MSI2: variants seen among roughly 807,000 people sequenced by gnomAD.
The protein encoded by MSI2 is musashi RNA binding protein 2, also known as RNA-binding protein Musashi homolog 2.
MSI2 carries 17 observed loss-of-function variants against 45.6 expected under a neutral mutation model. The observed-to-expected ratio is 0.37, with a 90% CI of 0.26 to 0.56. The LOEUF (loss-of-function observed/expected upper bound fraction) is 0.56, where lower values mean the gene tolerates loss of function less well. Among genes scored for constraint, MSI2 ranks in the 20% least tolerant of loss-of-function variants. The pLI is 0.77. For synonymous variants in MSI2, 156 were observed against 158.2 expected, an observed-to-expected ratio of 0.99 and a Z score of 0.11; for missense variants, 293 against 444.2, an observed-to-expected ratio of 0.66 and a Z score of 3.06.
chr17:57,416,706 C>T (rs1567811309), intron 6 of MSI2, among the ~76,000 whole-genome samples: 1 of 152,152 alleles, frequency 6.6e-6, no homozygotes, highest in African/African-American at 2.4e-5. Context: ...ATCTGCCTCA[C>T]AGCCTACACT....
At chr17:57,686,260 A>C (rs1319270831), downstream of MSI2, among the ~76,000 whole-genome samples, 1 of 152,250 alleles carries the variant, frequency 6.6e-6, no homozygotes, top group Non-Finnish European at 1.5e-5. Context: ...GAGGTAGGAC[A>C]GTACCAAGCT....
At chr17:57,533,263 G>T (rs1026481568) in intron 7 of MSI2, among the ~76,000 whole-genome samples, 6 of 152,218 alleles carry the variant, frequency 3.9e-5, no homozygotes, top group Non-Finnish European at 8.8e-5. Context: ...GGACCTAGGA[G>T]AGAATGAGCC....
chr17:57,258,434 G>C, intron 4 of MSI2, 80 bp downstream of exon 4: 1 of 1,140,470 alleles, frequency 8.8e-7, no homozygotes, highest in Non-Finnish European at 1.3e-6. Context: ...AAGGGACAGT[G>C]CCTTCTTTTG....
chr17:57,508,203 C>T (rs76179629), intron 6 of MSI2, among the ~76,000 whole-genome samples: 1,693 of 152,246 alleles, frequency 0.011, 37 homozygotes, highest in African/African-American at 0.038. Context: ...CCGCTATTGG[C>T]TGGCAGCTCT....
At chr17:57,677,702 G>T (rs192794539) in intron 13 of MSI2, among the ~76,000 whole-genome samples, 1 of 152,196 alleles carries the variant, frequency 6.6e-6, no homozygotes, top group Non-Finnish European at 1.5e-5. Flanking sequence ...ACATGGATTT[G>T]GATCCCTGCC....
intron 6 of MSI2, among the ~76,000 whole-genome samples, chr17:57,498,287 C>G (rs1161755752): frequency 6.6e-6 from 1 of 152,222 alleles, no homozygotes; most frequent in Non-Finnish European, 1.5e-5. Context: ...GTTCCCAGTC[C>G]TATCCAGGAG....
At chr17:57,420,515 GACCGTT>G (rs2084375234) in intron 6 of MSI2, among the ~76,000 whole-genome samples, 1 of 152,214 alleles carries the variant, frequency 6.6e-6, no homozygotes, top group African/African-American at 2.4e-5. Context: ...GAGTCTCCGA[GACCGTT>G]ACCAAGAGCA....
chr17:57,541,380 G>A (rs534389653), intron 7 of MSI2, among the ~76,000 whole-genome samples: 82 of 152,200 alleles, frequency 5.4e-4, no homozygotes, highest in African/African-American at 1.8e-3. Context: ...GAAAAAGAAC[G>A]AAAGGAAGAA....
chr17:57,549,808 TC>T (rs1228351472), intron 7 of MSI2, among the ~76,000 whole-genome samples: 1 of 152,226 alleles, frequency 6.6e-6, no homozygotes, highest in Non-Finnish European at 1.5e-5. Flanking sequence ...GCATTTGTAC[TC>T]AGGGGCAAGG....
intron 5 of MSI2, among the ~76,000 whole-genome samples, chr17:57,302,389 T>A (rs1449596207): frequency 6.6e-6 from 1 of 152,208 alleles, no homozygotes; most frequent in Non-Finnish European, 1.5e-5. Flanking sequence ...GGATAACAGG[T>A]GTGTGCCACG....
chr17:57,678,663 C>T (rs1913410588), intron 13 of MSI2, among the ~76,000 whole-genome samples: 1 of 150,798 alleles, frequency 6.6e-6, no homozygotes, highest in African/African-American at 2.4e-5. Flanking sequence ...TAAAGCCTTT[C>T]CATAGGGGTG....
At chr17:57,497,229 G>A (rs1293660616) in intron 6 of MSI2, among the ~76,000 whole-genome samples, 1 of 152,162 alleles carries the variant, frequency 6.6e-6, no homozygotes, top group Non-Finnish European at 1.5e-5. Context: ...CACCTGCCTT[G>A]GCCTCCCAAA....
the MSI2 span, among the ~76,000 whole-genome samples, chr17:57,697,306 C>T: frequency 6.6e-6 from 1 of 151,900 alleles, no homozygotes; most frequent in Non-Finnish European, 1.5e-5. Flanking sequence ...CTCACATGGA[C>T]CCACTCACAC....
intron 6 of MSI2, among the ~76,000 whole-genome samples, chr17:57,495,575 A>G (rs2085963773): frequency 6.8e-6 from 1 of 147,702 alleles, no homozygotes; most frequent in Non-Finnish European, 1.5e-5. Context: ...TGGCTTCTCT[A>G]TATCCCCTGA....
chr17:57,442,875 G>A (rs992434915), intron 6 of MSI2, among the ~76,000 whole-genome samples: 1 of 152,204 alleles, frequency 6.6e-6, no homozygotes, highest in African/African-American at 2.4e-5. Flanking sequence ...GCCTGAGAAT[G>A]CTTACAAAAA....
At chr17:57,399,201 C>T (rs145354400) in intron 5 of MSI2, among the ~76,000 whole-genome samples, 1 of 152,304 alleles carries the variant, frequency 6.6e-6, no homozygotes, top group Non-Finnish European at 1.5e-5. Flanking sequence ...CAGTGCTGTG[C>T]ACAGTGGTGG....
chr17:57,358,189 CTGTGTGTGTGGGGGGG>C (rs1331815683), intron 5 of MSI2, among the ~76,000 whole-genome samples: 1 of 60,318 alleles, frequency 1.7e-5, no homozygotes, highest in Non-Finnish European at 3.7e-5. Context: ...GTGGGTTTTT[CTGTGTGTGTGGGGGGG>C]TGTGTGTGTG....
Position 57,606,577 on chromosome 17 carries a change from T to C in MSI2, c.538-9393T>C, listed in dbSNP as rs569743410. Among the ~76,000 whole-genome samples, 6 of 152,228 alleles carry C rather than the reference T, an allele frequency of 3.9e-5. No homozygotes were observed. The East Asian group carries it at 7.8e-4, about 20-fold the overall frequency. The stretch of plus-strand genomic sequence containing the variant: ...GTGATATTGGGGACCAGCTCCTCTC[T>C]ACCCATTGCCCAGATTCTGAGGACC... On this transcript the variant is annotated intron_variant, in intron 8 of 13. Coordinates refer to ENST00000284073, the MANE Select transcript of MSI2 (RefSeq NM_138962.4).
chr17:57,638,629 C>T (rs921711279), intron 10 of MSI2, among the ~76,000 whole-genome samples: 24 of 152,196 alleles, frequency 1.6e-4, no homozygotes, highest in African/African-American at 5.5e-4. Context: ...GTGGCTCACT[C>T]CTGTGATCCC....
Sources: allele counts gnomAD v4.1 joint callset (sites outside exome capture counted in the v4.1 genomes callset), GRCh38; gene constraint gnomAD v4.1.1; transcripts MANE v1.5; gene names NCBI Gene and HGNC (gene_info 2026-07-23, HGNC 2026-07-21).